The following LAMA4 variants were observed in gnomAD, a reference collection of about 807,000 sequenced individuals.
LAMA4 encodes the protein laminin subunit alpha 4, also known as laminin subunit alpha-4.
LAMA4 carries 127 observed loss-of-function variants against 207.1 expected under a neutral mutation model. The observed-to-expected ratio is 0.61, with a 90% confidence interval of 0.53 to 0.71. The LOEUF (loss-of-function observed/expected upper bound fraction) is 0.71. LAMA4 is among the 30% of genes least tolerant of loss of function. The pLI is 0.00. For missense variants in LAMA4, 2,093 were observed against 2,246.5 expected, an observed-to-expected ratio of 0.93 and a Z score of 1.38; for synonymous variants, 761 against 816.0, an observed-to-expected ratio of 0.93 and a Z score of 1.15.
At chr6:112,111,904 C>T (rs1777721136) in intron 38 of LAMA4, among the ~76,000 whole-genome samples, 1 of 152,118 alleles carries the variant, frequency 6.6e-6, no homozygotes, top group African/African-American at 2.4e-5. Context: ...AACAAACAAA[C>T]AAAAACCAAA....
intron 36 of LAMA4, among the ~76,000 whole-genome samples, chr6:112,115,423 C>G (rs1250631960): frequency 6.6e-6 from 1 of 151,956 alleles, no homozygotes; most frequent in Non-Finnish European, 1.5e-5. Flanking sequence ...GGCATTACAA[C>G]ATAATTTTTT....
Position 112,139,164 on chromosome 6 carries a change from G to A in LAMA4, c.3238C>T (p.Arg1080Ter), listed in dbSNP as rs372615994. The A allele has an allele frequency of 1.4e-5, 22 of 1,614,104 alleles. No homozygotes were observed. The highest frequency in any genetic ancestry group is 2.2e-5 in the East Asian group (1 of 44,872). The change falls in exon 24 of 39, where the codon CGA (arginine) becomes TGA (stop). Residue 1080 changes from arginine (R) to a stop codon, truncating the protein, a stop_gained. Coordinates refer to ENST00000230538, the MANE Select transcript of LAMA4 (RefSeq NM_001105206.3). LOFTEE classifies it high-confidence loss of function. ...ATAAGGCCGTTGTCAGCTGGTGTTC[G>A]AACTTCTATGTCAAAGCGAGTCACC... Reference protein sequence around the residue: ...GQVTRFDIEVRTPADNGLILL... With the variant: ...GQVTRFDIEV
chr6:112,148,833 G>T (rs1290030224), intron 17 of LAMA4, among the ~76,000 whole-genome samples: 7 of 151,296 alleles, frequency 4.6e-5, no homozygotes, highest in Non-Finnish European at 8.9e-5. Flanking sequence ...CTAGGGGATG[G>T]GATTATAGGT....
chr6:112,117,561 G>A lies in LAMA4; in HGVS notation c.4981+178C>T, dbSNP rs2114573482. Among the ~76,000 whole-genome samples, 1 of 152,246 alleles carries A rather than the reference G, an allele frequency of 6.6e-6. No homozygotes were observed. The highest frequency in any genetic ancestry group is 2.4e-5 in the African/African-American group (1 of 41,546). ...TGGTCAGGGAGAGTATACAGGGATG[G>A]GGACTGCATGTATGGTTTGGAGTGC... On this transcript the variant is annotated intron_variant, in intron 35 of 38. Transcript: ENST00000230538. The surrounding 1 kb of genome is among the most constrained non-coding windows in gnomAD (Gnocchi z 4.5).
rs1213549945 is a variant in LAMA4, at chr6:112,131,717, GTTTGGGTCAGAAGTTCTACAAAATGC to G, written c.3835-642_3835-617del. ...AACTAACCAGGGTAGTCTGAGGCAG[GTTTGGGTCAGAAGTTCTACAAAATGC>G]TTTGGGTAAATTCTCACAAATTCTA... On this transcript the variant is annotated intron_variant, in intron 28 of 38. Transcript: ENST00000230538. Among the ~76,000 whole-genome samples the G allele has an allele frequency of 2.3e-4, 35 of 152,218 alleles. No individual in the cohort carries two copies. In the East Asian group the frequency reaches 6.7e-3, roughly 29 times the overall value.
chr6:112,175,774 G>A (rs1781990345), intron 10 of LAMA4, among the ~76,000 whole-genome samples: 1 of 152,196 alleles, frequency 6.6e-6, no homozygotes, highest in Admixed American at 6.5e-5. Context: ...ATCCTCATCT[G>A]GTTTCCACAG....
chr6:112,225,134 G>A (rs1785142325), intron 2 of LAMA4, among the ~76,000 whole-genome samples: 1 of 151,838 alleles, frequency 6.6e-6, no homozygotes, highest in Non-Finnish European at 1.5e-5. Flanking sequence ...TTATCCTCCA[G>A]CTATATTTTG....
In LAMA4 at chr6:112,148,177, A is replaced by G. The variant is rs782418775; in HGVS notation, c.2333T>C (p.Val778Ala). The change falls in exon 18 of 39, where the codon GTG becomes GCG. Residue 778 changes from valine (V) to alanine (A), a missense_variant. This residue lies in a region of LAMA4 where 1,704 missense variants were observed against 1,788.4 expected (regional missense o/e 0.95). Transcript: ENST00000230538. ...HFDSSAYNTA[V>A]NSARDAVRNL... is the part of the protein sequence containing the mutation. Reference sequence around the variant, plus strand: ...GATACCTGCATCCCTAGCAGAGTTCACTGCAGTGTTGTAAGCAGAAGAGTC... The same window carrying G: ...GATACCTGCATCCCTAGCAGAGTTCGCTGCAGTGTTGTAAGCAGAAGAGTC... 2 of 1,614,080 alleles carry G rather than the reference A, an allele frequency of 1.2e-6. No homozygotes were observed. Among genetic ancestry groups the G allele is most frequent in the Admixed American group, 1.7e-5 (1 of 60,026 alleles).
In LAMA4 at chr6:112,254,010, C is replaced by A. The variant is rs141926228; in HGVS notation, c.141G>T (p.Pro47=). Residue 47 remains proline (P), a synonymous_variant, in exon 2 of 39, where the codon CCG becomes CCT. Coordinates refer to ENST00000230538, the MANE Select transcript of LAMA4 (RefSeq NM_001105206.3). ...CCACGCGGGGTTCGCTCGTCTCAGG[C>A]GGGTCTTGCCTGCCAACCGCTGAGC... is the stretch of plus-strand genomic sequence containing the variant. ...EGSSAVGRQD[P]PETSEPRVAL... is the part of the protein sequence containing the mutation. The A allele has an allele frequency of 1.6e-5, 25 of 1,587,854 alleles. No individual in the cohort carries two copies. The highest frequency in any genetic ancestry group is 1.1e-5 in the South Asian group (1 of 88,224).
intron 17 of LAMA4, among the ~76,000 whole-genome samples, chr6:112,150,154 A>G (rs1455538296): frequency 6.6e-6 from 1 of 151,838 alleles, no homozygotes. Flanking sequence ...AAGGATGTTC[A>G]TAAGAAAGCC....
At chr6:112,231,837 C>G (rs1053828156) in intron 2 of LAMA4, among the ~76,000 whole-genome samples, 2 of 152,188 alleles carry the variant, frequency 1.3e-5, no homozygotes, top group Non-Finnish European at 2.9e-5. Context: ...GAAACCAACA[C>G]CTTCATCCTT....
chr6:112,152,485 T>A (rs1434529830), intron 16 of LAMA4, among the ~76,000 whole-genome samples: 3 of 152,130 alleles, frequency 2.0e-5, no homozygotes, highest in Non-Finnish European at 2.9e-5. Flanking sequence ...TACCTCATCA[T>A]CTGAACTAAA....
chr6:112,178,573 C>A (rs1554344560), intron 9 of LAMA4: 2 of 309,636 alleles, frequency 6.5e-6, no homozygotes, highest in Non-Finnish European at 1.2e-5. Context: ...TATCCCTCCC[C>A]ACTCCACTCT....
In LAMA4 at chr6:112,114,209, C is replaced by G. The variant is rs112265545; in HGVS notation, c.5207-14G>C. ...AATCTCTAATAACTGAAATGCAGGGCAAAGACTGGTCATAAGTGGCACTGG... is the reference window on the plus strand; with the variant it reads ...AATCTCTAATAACTGAAATGCAGGGGAAAGACTGGTCATAAGTGGCACTGG... On this transcript the variant is annotated splice_polypyrimidine_tract_variant and intron_variant, in intron 37 of 38. Transcript: ENST00000230538. 607 of 1,613,188 alleles carry G rather than the reference C, an allele frequency of 3.8e-4. 1 individual carries two copies. In the African/African-American group the frequency reaches 6.2e-3, roughly 17 times the overall value.
At chr6:112,224,840 C>T in intron 2 of LAMA4, among the ~76,000 whole-genome samples, 1 of 138,930 alleles carries the variant, frequency 7.2e-6, no homozygotes, top group African/African-American at 2.6e-5. Context: ...AAAAAGCAAA[C>T]ATTTTTGAAA....
At chr6:112,231,694 T>A (rs181837669) in intron 2 of LAMA4, among the ~76,000 whole-genome samples, 1 of 152,288 alleles carries the variant, frequency 6.6e-6, no homozygotes, top group East Asian at 1.9e-4. Context: ...GTTTCCCTCA[T>A]GAATCAGAGG....
intron 9 of LAMA4, among the ~76,000 whole-genome samples, chr6:112,184,755 G>T (rs898738214): frequency 2.0e-5 from 3 of 152,162 alleles, no homozygotes; most frequent in Admixed American, 1.3e-4. Flanking sequence ...TTAGTCTGTG[G>T]TATAAAGTGA....
chr6:112,126,246 T>C (rs782246949), intron 31 of LAMA4, among the ~76,000 whole-genome samples: 1 of 152,150 alleles, frequency 6.6e-6, no homozygotes, highest in Non-Finnish European at 1.5e-5. Context: ...CTTGAGAAGG[T>C]TGATGTCCCT....
At chr6:112,216,108 A>C (rs116555220) in intron 3 of LAMA4, among the ~76,000 whole-genome samples, 1 of 152,174 alleles carries the variant, frequency 6.6e-6, no homozygotes, top group African/African-American at 2.4e-5. Context: ...CCATTGGTCT[A>C]CAGCAGGCAA....
Sources: gnomAD v4.1 joint callset for allele counts (sites outside exome capture counted in the v4.1 genomes callset) on GRCh38, gnomAD v4.1.1 for gene constraint, gnomAD v4.1.1 regional missense constraint, Gnocchi (gnomAD v3.1) non-coding constraint, MANE v1.5 for transcripts, NCBI Gene and HGNC (gene_info 2026-07-23, HGNC 2026-07-21) for gene names.